The following TMEFF2 variants were observed in gnomAD, a reference collection of about 807,000 sequenced individuals.
TMEFF2 encodes transmembrane protein with EGF like and two follistatin like domains 2.
A neutral mutation model predicts 53.8 loss-of-function variants in TMEFF2; 28 were observed. The observed-to-expected ratio is 0.52, with a 90% CI of 0.39 to 0.71. The LOEUF (loss-of-function observed/expected upper bound fraction) is 0.71. Ranked by LOEUF, TMEFF2 falls within the 30% of genes least tolerant of loss-of-function variation. The probability of loss-of-function intolerance (pLI) is 0.00; values close to 1 mark genes in which losing one functional copy is unlikely to be tolerated. For missense variants in TMEFF2, 353 were observed against 455.2 expected (o/e 0.78, Z 2.04); for synonymous variants, 162 against 166.3 (o/e 0.97, Z 0.20).
In TMEFF2 at chr2:191,973,562, G is replaced by A. The variant is rs529353542; in HGVS notation, c.746-17184C>T. ...GAGCTTGAGGTCAGAAATATTCAGT[G>A]AATCTCTAATGTCATGAGAGGGCTA... On this transcript the variant is annotated intron_variant, in intron 7 of 9. Coordinates refer to ENST00000272771, the MANE Select transcript of TMEFF2 (RefSeq NM_016192.4). 5.9e-5 allele frequency among the ~76,000 whole-genome samples: 9 copies of A among 151,596 alleles called. 1 individual carries two copies. The highest frequency in any genetic ancestry group is 2.2e-4 in the African/African-American group (9 of 41,312).
intron 4 of TMEFF2, among the ~76,000 whole-genome samples, chr2:192,069,114 G>A (rs965529378): frequency 6.6e-5 from 10 of 151,498 alleles, no homozygotes; most frequent in African/African-American, 2.2e-4. Flanking sequence ...GACTCACATT[G>A]AGAGACCCTA....
chr2:191,957,772 T>A (rs892561610), intron 7 of TMEFF2, among the ~76,000 whole-genome samples: 7 of 152,260 alleles, frequency 4.6e-5, no homozygotes, highest in Non-Finnish European at 1.0e-4. Context: ...AGAGAGCCTG[T>A]AGATGACATT....
chr2:192,089,874 C>T (rs34169337), intron 4 of TMEFF2, among the ~76,000 whole-genome samples: 1,791 of 152,226 alleles, frequency 0.012, 16 homozygotes, highest in Non-Finnish European at 0.019. Flanking sequence ...CACAGTAACC[C>T]TTAAACTTAA....
chr2:192,138,800 A>G (rs1167705533), intron 4 of TMEFF2, among the ~76,000 whole-genome samples: 14 of 152,242 alleles, frequency 9.2e-5, no homozygotes, highest in Admixed American at 9.2e-4. Context: ...GGAAACTTAT[A>G]GAGAAAGCAT....
chr2:191,978,990 A>T (rs1269039771), intron 7 of TMEFF2, among the ~76,000 whole-genome samples: 1 of 152,170 alleles, frequency 6.6e-6, no homozygotes, highest in Non-Finnish European at 1.5e-5. Flanking sequence ...CAATGTAGGA[A>T]AAATATAGTT....
At chr2:192,075,288 T>TATATATATATATAA (rs1688385257) in intron 4 of TMEFF2, among the ~76,000 whole-genome samples, 2 of 5,636 alleles carry the variant, frequency 3.5e-4, no homozygotes, top group South Asian at 9.3e-3. Context: ...AGTACTATTA[T>TATATATATATATAA]ATATATATAT....
chr2:192,188,825 TTCTATCTATCTATCTATCTA>T (rs34743733), intron 2 of TMEFF2, among the ~76,000 whole-genome samples: 1,130 of 31,260 alleles, frequency 0.036, 21 homozygotes, highest in African/African-American at 0.097. Flanking sequence ...CTCCCCGCTT[TTCTATCTATCTATCTATCTA>T]TCTATCTATC....
Position 191,950,283 on chromosome 2 carries a change from A to G in TMEFF2, c.*28T>C, listed in dbSNP as rs1262535109. The G allele has an allele frequency of 6.2e-7, 1 of 1,608,550 alleles. No homozygotes were observed. The highest frequency in any genetic ancestry group is 8.5e-7 in the Non-Finnish European group (1 of 1,176,508). On this transcript the variant is annotated 3_prime_UTR_variant, in exon 10 of 10. Transcript: ENST00000272771. ...GTATTGTGTAGTCCAAGCTCTCGGTAGTCCAGCCACTGTGAAACATGCTCC... is the reference window on the plus strand; with the variant it reads ...GTATTGTGTAGTCCAAGCTCTCGGTGGTCCAGCCACTGTGAAACATGCTCC...
intron 4 of TMEFF2, among the ~76,000 whole-genome samples, chr2:192,097,177 C>T (rs998872617): frequency 1.3e-5 from 2 of 152,198 alleles, no homozygotes; most frequent in Admixed American, 1.3e-4. Context: ...TAAGCGTGCA[C>T]TTCTACACGT....
intron 4 of TMEFF2, among the ~76,000 whole-genome samples, chr2:192,113,187 C>G (rs1001780301): frequency 6.6e-6 from 1 of 152,062 alleles, no homozygotes. Context: ...TAGGCTTATA[C>G]ACTATTGAAA....
intron 4 of TMEFF2, among the ~76,000 whole-genome samples, chr2:192,137,758 TATATA>T (rs1269010830): frequency 1.8e-4 from 27 of 148,586 alleles, no homozygotes; most frequent in Non-Finnish European, 3.1e-4. Context: ...TCTACTTATA[TATATA>T]ATATATGTAA....
chr2:192,015,332 T>C (rs900191062), intron 5 of TMEFF2, among the ~76,000 whole-genome samples: 1 of 147,264 alleles, frequency 6.8e-6, no homozygotes, highest in Non-Finnish European at 1.5e-5. Context: ...TTTTTTTTTT[T>C]GCCAGTCTGG....
At chr2:192,149,436 C>A (rs540997488) in intron 4 of TMEFF2, among the ~76,000 whole-genome samples, 1 of 151,966 alleles carries the variant, frequency 6.6e-6, no homozygotes, top group East Asian at 1.9e-4. Flanking sequence ...TCCAATTATG[C>A]TTTTTCTATT....
chr2:192,147,545 T>G (rs1413220577), intron 4 of TMEFF2, among the ~76,000 whole-genome samples: 1 of 152,026 alleles, frequency 6.6e-6, no homozygotes, highest in East Asian at 1.9e-4. Context: ...GTGTTCTCAT[T>G]GTTCAATTCC....
At chr2:191,990,762 G>GT (rs1686084851) in intron 7 of TMEFF2, among the ~76,000 whole-genome samples, 2 of 143,698 alleles carry the variant, frequency 1.4e-5, no homozygotes. Flanking sequence ...TCTCTTTGCG[G>GT]GGTGTGTGTG....
At chr2:191,990,357 T>G (rs58077938) in intron 7 of TMEFF2, among the ~76,000 whole-genome samples, 2,902 of 151,990 alleles carry the variant, frequency 0.019, 63 homozygotes, top group Admixed American at 0.06. Flanking sequence ...AATGTTGGCT[T>G]ATATATTTGG....
intron 5 of TMEFF2, among the ~76,000 whole-genome samples, chr2:192,049,344 C>G (rs998208914): frequency 6.6e-6 from 1 of 152,196 alleles, no homozygotes; most frequent in African/African-American, 2.4e-5. Context: ...TGTTTTGTAA[C>G]ATGAGAATTA....
At chr2:192,052,170 A>G (rs1029798041) in intron 5 of TMEFF2, among the ~76,000 whole-genome samples, 1 of 152,210 alleles carries the variant, frequency 6.6e-6, no homozygotes, top group Non-Finnish European at 1.5e-5. Context: ...TAAAGCAAAT[A>G]TACCTAATAA....
intron 4 of TMEFF2, among the ~76,000 whole-genome samples, chr2:192,084,784 G>T (rs888944469): frequency 6.6e-6 from 1 of 152,142 alleles, no homozygotes; most frequent in Non-Finnish European, 1.5e-5. Context: ...ATGTGAGTGG[G>T]TGTCTAGCAC....
Sources: allele counts gnomAD v4.1 joint callset (sites outside exome capture counted in the v4.1 genomes callset), GRCh38; gene constraint gnomAD v4.1.1; transcripts MANE v1.5; gene names NCBI Gene and HGNC (gene_info 2026-07-23, HGNC 2026-07-21).